Variants in PPIL6 observed in about 807,000 individuals in gnomAD.
The protein encoded by PPIL6 is probable inactive peptidyl-prolyl cis-trans isomerase-like 6.
PPIL6 carries 39 observed loss-of-function variants against 36.8 expected under a neutral mutation model. The observed-to-expected ratio is 1.06, with a 90% CI of 0.82 to 1.38. The LOEUF is 1.38. Ranked by LOEUF, PPIL6 falls within the 40% of genes most tolerant of loss-of-function variation. The probability of loss-of-function intolerance (pLI) is 0.00; values close to 1 mark genes in which losing one functional copy is unlikely to be tolerated. For missense variants in PPIL6, 368 were observed against 379.1 expected, an observed-to-expected ratio of 0.97 and a Z score of 0.24; for synonymous variants, 123 against 134.1, an observed-to-expected ratio of 0.92 and a Z score of 0.57.
intron 1 of PPIL6, chr6:109,440,055 G>A (rs1774718101): frequency 3.7e-6 from 1 of 270,020 alleles, no homozygotes; most frequent in Non-Finnish European, 7.3e-6. Context: ...GAGGTGGCGG[G>A]GTTGTAAAAA....
At chr6:109,434,697 T>C (rs1477102161) in intron 2 of PPIL6, among the ~76,000 whole-genome samples, 1 of 152,044 alleles carries the variant, frequency 6.6e-6, no homozygotes, top group Non-Finnish European at 1.5e-5. Context: ...CAATCGAAAC[T>C]GCTCTGGTCA....
chr6:109,404,437 A>G (rs1772698826), intron 6 of PPIL6, among the ~76,000 whole-genome samples: 1 of 152,158 alleles, frequency 6.6e-6, no homozygotes, highest in Non-Finnish European at 1.5e-5. Context: ...GTGCTGCCGC[A>G]CCCAACTCTC....
At chr6:109,400,891 G>A (rs1019609792) in intron 6 of PPIL6, among the ~76,000 whole-genome samples, 4 of 151,776 alleles carry the variant, frequency 2.6e-5, no homozygotes, top group African/African-American at 7.3e-5. Flanking sequence ...AGGGAGTCTC[G>A]CTCTGTCGCC....
chr6:109,405,218 C>T (rs981571482), intron 6 of PPIL6, among the ~76,000 whole-genome samples: 1 of 152,168 alleles, frequency 6.6e-6, no homozygotes, highest in African/African-American at 2.4e-5. Context: ...GCCCAAAGTT[C>T]CTTGTCAAGC....
intron 1 of PPIL6, among the ~76,000 whole-genome samples, chr6:109,439,803 C>T (rs1582615851): frequency 1.3e-5 from 2 of 152,124 alleles, no homozygotes; most frequent in East Asian, 3.9e-4. Context: ...TTCTACATGC[C>T]GACATTTCAT....
chr6:109,400,285 G>T, intron 6 of PPIL6, 115 bp from the exon 7 acceptor site: 2 of 785,384 alleles, frequency 2.5e-6, no homozygotes, highest in Non-Finnish European at 1.9e-6. Flanking sequence ...TTTATCAATG[G>T]ATTCCAAATT....
chr6:109,436,501 T>C (rs1223716833), intron 1 of PPIL6, among the ~76,000 whole-genome samples: 1 of 152,142 alleles, frequency 6.6e-6, no homozygotes, highest in Non-Finnish European at 1.5e-5. Flanking sequence ...GCAGATCACC[T>C]GAGGTCAGGA....
chr6:109,423,635 T>C (rs1773665026), intron 5 of PPIL6, among the ~76,000 whole-genome samples: 1 of 152,076 alleles, frequency 6.6e-6, no homozygotes, highest in African/African-American at 2.4e-5. Context: ...TTTATATATA[T>C]ATATATCTTT....
At chr6:109,440,771 G>T, upstream of PPIL6, 1 of 329,474 alleles carries the variant, frequency 3.0e-6, no homozygotes, top group South Asian at 1.2e-4. Context: ...GGGCGGCCGC[G>T]ACCGCCGGGG....
chr6:109,392,948 G>T lies in PPIL6; in HGVS notation c.825-11C>A. On this transcript the variant is annotated splice_polypyrimidine_tract_variant and intron_variant, in intron 7 of 7. Coordinates refer to ENST00000521072, the MANE Select transcript of PPIL6 (RefSeq NM_173672.5). ...CCTTCAATCAGTTGCCTACATAGGA[G>T]AAAAAAATGGAAAATTTAGTCAGTC... The T allele has an allele frequency of 1.3e-6, 2 of 1,494,468 alleles. No individual in the cohort carries two copies. Among genetic ancestry groups the T allele is most frequent in the East Asian group, 2.3e-5 (1 of 44,088 alleles). 92.6% of individuals were successfully genotyped at this position (1,494,468 alleles called of 1,614,324 possible).
intron 3 of PPIL6, 62 bp from the exon 4 acceptor site, chr6:109,427,218 A>G (rs1348658092): frequency 1.8e-6 from 2 of 1,136,554 alleles, no homozygotes; most frequent in African/African-American, 3.1e-5. Flanking sequence ...GTTTTCAGAA[A>G]TGACCAAAAA....
At chr6:109,423,368 A>G (rs1402650302) in intron 5 of PPIL6, among the ~76,000 whole-genome samples, 1 of 151,962 alleles carries the variant, frequency 6.6e-6, no homozygotes, top group African/African-American at 2.4e-5. Flanking sequence ...TCTGCCTCAA[A>G]ATAATAATAA....
chr6:109,439,503 C>T (rs1171451669), intron 1 of PPIL6, among the ~76,000 whole-genome samples: 2 of 152,100 alleles, frequency 1.3e-5, no homozygotes, highest in Non-Finnish European at 1.5e-5. Context: ...ATTACAGAGA[C>T]CGCCACCACG....
intron 2 of PPIL6, among the ~76,000 whole-genome samples, chr6:109,431,580 A>G (rs1774162550): frequency 6.6e-6 from 1 of 152,262 alleles, no homozygotes; most frequent in Non-Finnish European, 1.5e-5. Flanking sequence ...AAAGTATCAT[A>G]AAAATGTTAC....
Position 109,423,665 on chromosome 6 carries a change from A to G in PPIL6, c.631+3182T>C, listed in dbSNP as rs1562268054. On this transcript the variant is annotated intron_variant, in intron 5 of 7. Transcript: ENST00000521072. ...ATCTTTTAGTCTTATGTAAAACATG[A>G]TCATTTTTTGTGTAAAAAAGTTTAT... 4.6e-5 allele frequency among the ~76,000 whole-genome samples: 7 copies of G among 152,208 alleles called. No homozygotes were observed. In the South Asian group the frequency reaches 1.5e-3, roughly 32 times the overall value.
chr6:109,441,129 C>T (rs1048197), upstream of PPIL6: 81,447 of 1,614,028 alleles, frequency 0.05, 3,581 homozygotes, highest in East Asian at 0.2. Flanking sequence ...ACCATGAAGC[C>T]CAACTTCTCC....
intron 2 of PPIL6, among the ~76,000 whole-genome samples, chr6:109,432,456 G>C (rs968915591): frequency 3.9e-5 from 6 of 152,068 alleles, no homozygotes; most frequent in Non-Finnish European, 7.4e-5. Flanking sequence ...CCCAGTACCA[G>C]CCAGGCAAAC....
intron 6 of PPIL6, among the ~76,000 whole-genome samples, chr6:109,401,579 T>C (rs1168261561): frequency 6.6e-6 from 1 of 152,196 alleles, no homozygotes; most frequent in Non-Finnish European, 1.5e-5. Context: ...CCTTATGAAA[T>C]GCTGATGAGG....
At chr6:109,432,380 G>A (rs1774205367) in intron 2 of PPIL6, among the ~76,000 whole-genome samples, 2 of 152,130 alleles carry the variant, frequency 1.3e-5, no homozygotes. Context: ...AACGCTGATG[G>A]TAAACCTTCT....
Sources: allele counts gnomAD v4.1 joint callset (sites outside exome capture counted in the v4.1 genomes callset), GRCh38; gene constraint gnomAD v4.1.1; transcripts MANE v1.5; gene names NCBI Gene and HGNC (gene_info 2026-07-23, HGNC 2026-07-21).